Variants in BIRC6 observed in about 807,000 individuals in gnomAD.
BIRC6 encodes baculoviral IAP repeat containing 6, also known as dual E2 ubiquitin-conjugating enzyme/E3 ubiquitin-protein ligase BIRC6.
BIRC6 carries 98 observed loss-of-function variants against 503.3 expected under a neutral mutation model. The observed-to-expected ratio is 0.19, with a 90% CI of 0.17 to 0.23. BIRC6 has a LOEUF of 0.23. Ranked by LOEUF, BIRC6 falls within the 10% of genes least tolerant of loss-of-function variation. The pLI, the probability that BIRC6 is intolerant of heterozygous loss-of-function variation, is 1.00. For synonymous variants in BIRC6, 2,240 were observed against 2,078.7 expected (o/e 1.08, Z -2.11); for missense variants, 5,360 against 5,806.0 (o/e 0.92, Z 2.50).
intron 10 of BIRC6, among the ~76,000 whole-genome samples, chr2:32,418,014 G>C (rs962856445): frequency 6.6e-6 from 1 of 151,950 alleles, no homozygotes; most frequent in Non-Finnish European, 1.5e-5. Context: ...TGCTGACCTC[G>C]AGCGATCCGT....
At chr2:32,445,063 C>T (rs1216402832) in intron 20 of BIRC6, among the ~76,000 whole-genome samples, 1 of 152,114 alleles carries the variant, frequency 6.6e-6, no homozygotes, top group African/African-American at 2.4e-5. Flanking sequence ...ATTTTATTCC[C>T]CATTCATTCA....
intron 4 of BIRC6, among the ~76,000 whole-genome samples, chr2:32,391,522 TA>T (rs2149559299): frequency 6.6e-6 from 1 of 152,370 alleles, no homozygotes; most frequent in South Asian, 2.1e-4. Context: ...CTAAAGTTAC[TA>T]GCAATTTTAT....
rs2056741013 is a variant in BIRC6 at position 32,531,380 on chromosome 2, T to C, written c.12120T>C (p.Cys4040=). The C allele has an allele frequency of 6.2e-7, 1 of 1,613,342 alleles. No homozygotes were observed. Among genetic ancestry groups the C allele is most frequent in the Non-Finnish European group, 8.5e-7 (1 of 1,179,508 alleles). The part of the protein sequence containing the change: ...EKDHGDLLAS[C]PEDEALTPGD... ...ATCATGGAGACTTACTTGCTAGCTG[T>C]CCAGAAGATGAGGCTCTCACTCCAG... The change falls in exon 61 of 74, where the codon TGT becomes TGC. Residue 4040 remains cysteine (C), a synonymous_variant. Coordinates refer to ENST00000421745, the MANE Select transcript of BIRC6 (RefSeq NM_016252.4).
Position 32,549,462 on chromosome 2 carries a change from T to C in BIRC6, c.13125T>C (p.Ser4375=). 1 of 1,446,750 alleles carries C rather than the reference T, an allele frequency of 6.9e-7. No homozygotes were observed. The highest frequency in any genetic ancestry group is 1.6e-5 in the South Asian group (1 of 61,210). 89.6% of individuals were successfully genotyped at this position (1,446,750 alleles called of 1,614,324 possible). ...SQSCLIPAMS[S]YLRNDSVLDM... ...CCTGCCTCATCCCAGCCATGTCATC[T>C]TATCTACGAAATGATTCAGGTAAAT... is the stretch of plus-strand genomic sequence containing the variant. The change falls in exon 65 of 74, where the codon TCT becomes TCC. Residue 4375 remains serine (S), a synonymous_variant. Transcript: ENST00000421745.
chr2:32,556,388 C>A (rs967419858), intron 65 of BIRC6, among the ~76,000 whole-genome samples: 1 of 152,160 alleles, frequency 6.6e-6, no homozygotes, highest in Non-Finnish European at 1.5e-5. Context: ...GACTACCCAG[C>A]GTAGTCCTTT....
chr2:32,436,957 C>G (rs1204885541), intron 15 of BIRC6, among the ~76,000 whole-genome samples: 2 of 139,320 alleles, frequency 1.4e-5, no homozygotes, highest in African/African-American at 5.4e-5. Flanking sequence ...TCTGTTATCT[C>G]AGCTTGCTGC....
chr2:32,580,270 G>T (rs999086607), intron 66 of BIRC6, among the ~76,000 whole-genome samples: 1 of 152,048 alleles, frequency 6.6e-6, no homozygotes, highest in Non-Finnish European at 1.5e-5. Flanking sequence ...CCTGGCAGTT[G>T]TAACAACATA....
Position 32,512,959 on chromosome 2 carries a change from G to T in BIRC6, c.10373G>T (p.Ser3458Ile). 1 of 1,613,950 alleles carries T rather than the reference G, an allele frequency of 6.2e-7. No individual in the cohort carries two copies. Among genetic ancestry groups the T allele is most frequent in the East Asian group, 2.2e-5 (1 of 44,864 alleles). Residue 3458 changes from serine (S) to isoleucine (I), a missense_variant, in exon 54 of 74, where the codon AGT (serine) becomes ATT (isoleucine). Ser to Ile is a moderately radical substitution (Grantham distance 142). This residue lies in a region of BIRC6 where 878 missense variants were observed against 928.9 expected (regional missense o/e 0.95). Transcript: ENST00000421745. ...DRIQALLKWV[S>I]DSARVAAMKR... ...ATTCAGGCCTTGTTAAAATGGGTTA[G>T]TGATTCTGCAAGAGTGGCTGCTATG... is the stretch of plus-strand genomic sequence containing the variant.
chr2:32,447,728 T>A (rs113110709), intron 21 of BIRC6, among the ~76,000 whole-genome samples: 46,321 of 46,438 alleles, frequency 1, 23,102 homozygotes, highest in Middle Eastern at 1. Flanking sequence ...TCCCTCCTGG[T>A]CGGGGCGACT....
chr2:32,581,039 C>T (rs1297723451), intron 66 of BIRC6, among the ~76,000 whole-genome samples: 2 of 152,172 alleles, frequency 1.3e-5, no homozygotes, highest in Non-Finnish European at 2.9e-5. Flanking sequence ...CAGAAATTTT[C>T]CAACACTAAT....
At chr2:32,436,644 A>G (rs990615253) in intron 15 of BIRC6, among the ~76,000 whole-genome samples, 5 of 152,044 alleles carry the variant, frequency 3.3e-5, no homozygotes, top group Admixed American at 6.6e-5. Flanking sequence ...TAGTGGCGCT[A>G]TCTTTGCTCA....
intron 57 of BIRC6, among the ~76,000 whole-genome samples, chr2:32,521,151 T>C (rs1487905331): frequency 6.6e-6 from 1 of 152,120 alleles, no homozygotes; most frequent in Non-Finnish European, 1.5e-5. Flanking sequence ...TTATACTCTT[T>C]AGCCATATTT....
chr2:32,446,568 C>G (rs77445523), intron 21 of BIRC6, among the ~76,000 whole-genome samples: 1 of 151,910 alleles, frequency 6.6e-6, no homozygotes, highest in Non-Finnish European at 1.5e-5. Flanking sequence ...GTGCCTGATA[C>G]CCCTCGCTTC....
At chr2:32,383,607 C>G (rs1573817630) in intron 3 of BIRC6, among the ~76,000 whole-genome samples, 1 of 152,124 alleles carries the variant, frequency 6.6e-6, no homozygotes, top group Non-Finnish European at 1.5e-5. Flanking sequence ...TCTCAGCTCA[C>G]TGCAACCTCC....
At chr2:32,493,787 T>A in intron 45 of BIRC6, 120 bp downstream of exon 45, 1 of 720,484 alleles carries the variant, frequency 1.4e-6, no homozygotes, top group African/African-American at 1.8e-5. Flanking sequence ...AGGACGGTAG[T>A]AATTAAGGGG....
At chr2:32,462,638 T>C (rs1041846898) in intron 23 of BIRC6, among the ~76,000 whole-genome samples, 1 of 152,162 alleles carries the variant, frequency 6.6e-6, no homozygotes, top group African/African-American at 2.4e-5. Flanking sequence ...ATGATCACTT[T>C]ACTATAACAA....
intron 65 of BIRC6, among the ~76,000 whole-genome samples, chr2:32,570,068 T>C (rs973896932): frequency 2.0e-5 from 3 of 152,200 alleles, no homozygotes; most frequent in Admixed American, 6.5e-5. Flanking sequence ...GTTTTTCATA[T>C]ATGGCCTTTA....
chr2:32,508,227 C>T lies in BIRC6; in HGVS notation c.9948C>T (p.Phe3316=), dbSNP rs754180201. The change falls in exon 51 of 74, where the codon TTC becomes TTT. Residue 3316 remains phenylalanine, a synonymous_variant. Coordinates refer to ENST00000421745, the MANE Select transcript of BIRC6 (RefSeq NM_016252.4). ...CTTCTGCAACAGTTAATAATCCATTCCTTCCATCTGAAGATCAGGTATCCA... is the reference window on the plus strand; with the variant it reads ...CTTCTGCAACAGTTAATAATCCATTTCTTCCATCTGAAGATCAGGTATCCA... ...TTSSATVNNP[F]LPSEDQVSKT... 1.2e-6 allele frequency: 2 copies of T among 1,603,790 alleles called. No individual in the cohort carries two copies. Among genetic ancestry groups the T allele is most frequent in the South Asian group, 2.2e-5 (2 of 90,438 alleles).
At position 32,611,574 on chromosome 2, in the gene BIRC6, G is replaced by A; in HGVS notation, c.14386G>A (p.Ala4796Thr). The A allele has an allele frequency of 6.3e-7, 1 of 1,581,208 alleles. No individual in the cohort carries two copies. ...CAGGACTATGTCTCACCATGCAGCA[G>A]CTCTCAAGGTGAGTAAGCCTCTCTA... ...VGRTMSHHAA[A>T]LKRHTAQLRE... Residue 4796 changes from alanine to threonine, a missense_variant, in exon 73 of 74, where the codon GCT becomes ACT. This residue lies in a region of BIRC6 where 140 missense variants were observed against 130.2 expected (regional missense o/e 1.07). Transcript: ENST00000421745.
Sources: allele counts gnomAD v4.1 joint callset (sites outside exome capture counted in the v4.1 genomes callset), GRCh38; gene constraint gnomAD v4.1.1; regional missense constraint gnomAD v4.1.1; transcripts MANE v1.5; gene names NCBI Gene and HGNC (gene_info 2026-07-23, HGNC 2026-07-21).